Variants in RSRC1 observed in about 807,000 individuals in gnomAD.
The protein encoded by RSRC1 is serine/Arginine-related protein 53.
A neutral mutation model predicts 49.1 loss-of-function variants in RSRC1; 39 were observed. The ratio of observed to expected loss-of-function variants is 0.79; its 90% CI spans 0.61 to 1.04. RSRC1 has a LOEUF of 1.04. Among genes scored for constraint, RSRC1 ranks in the 50% least tolerant of loss-of-function variants. The probability of loss-of-function intolerance (pLI) is 0.00; values close to 1 mark genes in which losing one functional copy is unlikely to be tolerated. For missense variants in RSRC1, 388 were observed against 402.4 expected (o/e 0.96, Z 0.31); for synonymous variants, 143 against 130.8 (o/e 1.09, Z -0.63).
chr3:158,365,646 C>A (rs1731722293), intron 6 of RSRC1, among the ~76,000 whole-genome samples: 1 of 152,114 alleles, frequency 6.6e-6, no homozygotes, highest in Non-Finnish European at 1.5e-5. Context: ...GATTTTTAAT[C>A]CTTTGTGTAT....
intron 3 of RSRC1, among the ~76,000 whole-genome samples, chr3:158,148,364 TGC>T (rs1376069243): frequency 3.5e-5 from 3 of 85,658 alleles, no homozygotes; most frequent in African/African-American, 5.0e-5. Flanking sequence ...TGTGTGTGTG[TGC>T]GTGTGTGTGT....
chr3:158,235,077 A>G (rs1180345509), intron 4 of RSRC1, among the ~76,000 whole-genome samples: 1 of 152,146 alleles, frequency 6.6e-6, no homozygotes, highest in Non-Finnish European at 1.5e-5. Context: ...TTTAAATCAA[A>G]CATAATATAA....
At chr3:158,310,716 C>G (rs1728078750) in intron 5 of RSRC1, among the ~76,000 whole-genome samples, 1 of 151,578 alleles carries the variant, frequency 6.6e-6, no homozygotes, top group African/African-American at 2.4e-5. Context: ...CACCTGATTT[C>G]CATTTAAAGA....
intron 6 of RSRC1, among the ~76,000 whole-genome samples, chr3:158,424,988 T>G (rs1362317803): frequency 6.6e-6 from 1 of 151,324 alleles, no homozygotes; most frequent in Non-Finnish European, 1.5e-5. Context: ...TTATTAGTCT[T>G]GCTAGCGGTC....
chr3:158,483,858 A>G (rs1375400681), intron 7 of RSRC1, among the ~76,000 whole-genome samples: 1 of 152,102 alleles, frequency 6.6e-6, no homozygotes, highest in African/African-American at 2.4e-5. Context: ...GTAAGCAGTG[A>G]AACATTTTTA....
chr3:158,112,514 A>G (rs1294860609), intron 1 of RSRC1, among the ~76,000 whole-genome samples: 3 of 152,166 alleles, frequency 2.0e-5, no homozygotes, highest in African/African-American at 7.2e-5. Context: ...GTTAACTATA[A>G]CAAAGAAATA....
intron 3 of RSRC1, among the ~76,000 whole-genome samples, chr3:158,156,848 CAG>C (rs1311027411): frequency 1.3e-5 from 2 of 152,124 alleles, no homozygotes; most frequent in Non-Finnish European, 2.9e-5. Flanking sequence ...ATCACTATAA[CAG>C]ATACAATAAT....
intron 5 of RSRC1, among the ~76,000 whole-genome samples, chr3:158,316,108 G>T (rs552708536): frequency 7.9e-5 from 12 of 151,898 alleles, no homozygotes; most frequent in Middle Eastern, 3.4e-3. Context: ...GGAGGTGGAG[G>T]TTGCAGTGAG....
intron 6 of RSRC1, among the ~76,000 whole-genome samples, chr3:158,455,979 CAAAAAAAAAAAAAAAAAAAAAA>C (rs765828003): frequency 5.3e-5 from 3 of 56,494 alleles, no homozygotes; most frequent in Non-Finnish European, 3.6e-5. Flanking sequence ...GACTCCATCT[CAAAAAAAAAAAAAAAAAAAAAA>C]AAAAAAAAAA....
intron 4 of RSRC1, among the ~76,000 whole-genome samples, chr3:158,273,681 AT>A (rs1725646203): frequency 6.6e-6 from 1 of 152,120 alleles, no homozygotes; most frequent in African/African-American, 2.4e-5. Flanking sequence ...GATTAATTGG[AT>A]TGGTAAGCAT....
At chr3:158,461,800 G>T (rs921099617) in intron 7 of RSRC1, among the ~76,000 whole-genome samples, 2 of 151,726 alleles carry the variant, frequency 1.3e-5, no homozygotes, top group African/African-American at 4.8e-5. Context: ...ATATGTGCCA[G>T]AATTTGGACT....
At chr3:158,223,865 G>A (rs1178671049) in intron 4 of RSRC1, among the ~76,000 whole-genome samples, 2 of 151,416 alleles carry the variant, frequency 1.3e-5, no homozygotes, top group African/African-American at 4.8e-5. Flanking sequence ...CCTCCTCCAG[G>A]GTCTTTGTAT....
Position 158,197,766 on chromosome 3 carries a change from G to A in RSRC1, c.321-5306G>A, listed in dbSNP as rs1447857955. Among the ~76,000 whole-genome samples, 11 of 152,236 alleles carry A rather than the reference G, an allele frequency of 7.2e-5. No individual in the cohort carries two copies. The East Asian group carries it at 2.1e-3, about 29-fold the overall frequency. Reference sequence around the variant, plus strand: ...CGTTATGTACCCAGTAGTCATTCAGGAGCAGGTTGTTCAGTTTCCATGTAG... The same window carrying A: ...CGTTATGTACCCAGTAGTCATTCAGAAGCAGGTTGTTCAGTTTCCATGTAG... On this transcript the variant is annotated intron_variant, in intron 3 of 9. Transcript: ENST00000611884.
chr3:158,421,849 T>A (rs890876276), intron 6 of RSRC1, among the ~76,000 whole-genome samples: 4 of 151,736 alleles, frequency 2.6e-5, no homozygotes, highest in Admixed American at 1.3e-4. Context: ...AGTTTATAGG[T>A]CATTTTGCAA....
At chr3:158,381,936 AT>A (rs971893926) in intron 6 of RSRC1, among the ~76,000 whole-genome samples, 5 of 151,980 alleles carry the variant, frequency 3.3e-5, no homozygotes, top group Admixed American at 1.3e-4. Context: ...ATTCATTTAA[AT>A]TTTTTTTGTT....
At chr3:158,122,792 A>G (rs556307892) in intron 2 of RSRC1, among the ~76,000 whole-genome samples, 4 of 150,340 alleles carry the variant, frequency 2.7e-5, no homozygotes, top group African/African-American at 9.8e-5. Context: ...AAGAGTTCTC[A>G]TTGTTCAATT....
intron 1 of RSRC1, among the ~76,000 whole-genome samples, chr3:158,119,624 G>A (rs991163281): frequency 6.6e-6 from 1 of 151,440 alleles, no homozygotes; most frequent in Non-Finnish European, 1.5e-5. Flanking sequence ...ATGTGTGTGT[G>A]TATAATATAC....
chr3:158,516,006 T>G (rs1740505013), intron 7 of RSRC1, among the ~76,000 whole-genome samples: 1 of 151,934 alleles, frequency 6.6e-6, no homozygotes, highest in African/African-American at 2.4e-5. Flanking sequence ...TCTTCTAAAT[T>G]TTTTTCAAAG....
intron 6 of RSRC1, among the ~76,000 whole-genome samples, chr3:158,417,744 G>T (rs1432201132): frequency 6.6e-6 from 1 of 150,478 alleles, no homozygotes; most frequent in Non-Finnish European, 1.5e-5. Flanking sequence ...TTATTAATCA[G>T]TTCTTATTTA....
Sources: gnomAD v4.1 joint callset for allele counts (sites outside exome capture counted in the v4.1 genomes callset) on GRCh38, gnomAD v4.1.1 for gene constraint, MANE v1.5 for transcripts, NCBI Gene and HGNC (gene_info 2026-07-23, HGNC 2026-07-21) for gene names.